KRT7: variants seen among roughly 807,000 people sequenced by gnomAD.
KRT7 encodes keratin, type II cytoskeletal 7.
A neutral mutation model predicts 42.8 loss-of-function variants in KRT7; 50 were observed. That is an observed-to-expected ratio of 1.17 (90% confidence interval 0.93 to 1.48). The LOEUF (loss-of-function observed/expected upper bound fraction) is 1.48. KRT7 is among the 40% of genes most tolerant of loss of function. The probability of loss-of-function intolerance (pLI) is 0.00; values close to 1 mark genes in which losing one functional copy is unlikely to be tolerated. For missense variants in KRT7, 588 were observed against 637.6 expected (o/e 0.92, Z 0.84); for synonymous variants, 268 against 266.3 (o/e 1.01, Z -0.06).
chr12:52,244,974 G>A (rs901604680), intron 6 of KRT7: 6 of 195,022 alleles, frequency 3.1e-5, no homozygotes, highest in Admixed American at 1.2e-4. Context: ...AGATCCCATG[G>A]TCTTCGAGCT....
At chr12:52,244,678 G>T (rs1321230436) in intron 6 of KRT7, 2 of 977,722 alleles carry the variant, frequency 2.0e-6, no homozygotes, top group Non-Finnish European at 2.4e-6. Flanking sequence ...AACAAGATGA[G>T]GCCTGGGACT....
chr12:52,250,526 G>T (rs1046054359), downstream of KRT7: 2 of 888,284 alleles, frequency 2.3e-6, no homozygotes, highest in African/African-American at 1.7e-5. Context: ...CACACAGGCC[G>T]GTGCTCACCG....
chr12:52,235,143 C>T lies in KRT7; in HGVS notation c.325-12C>T, dbSNP rs188362250. 106 of 1,613,418 alleles carry T rather than the reference C, an allele frequency of 6.6e-5. 1 individual carries two copies. The East Asian group carries it at 1.5e-3, about 23-fold the overall frequency. ...GGCTCCTCTTGAGTTTCCTCCTTCT[C>T]GCCCGTTCTAGGTGCGGTTTCTGGA... On this transcript the variant is annotated splice_polypyrimidine_tract_variant and intron_variant, in intron 1 of 8. Coordinates refer to ENST00000331817, the MANE Select transcript of KRT7 (RefSeq NM_005556.4).
At chr12:52,241,108 T>G (rs763167321) in intron 4 of KRT7, among the ~76,000 whole-genome samples, 5 of 152,152 alleles carry the variant, frequency 3.3e-5, no homozygotes, top group Admixed American at 1.3e-4. Context: ...CTGCAGAGTA[T>G]TCTGTAGCAT....
chr12:52,246,655 C>T (rs1218818562), intron 7 of KRT7, among the ~76,000 whole-genome samples: 1 of 152,172 alleles, frequency 6.6e-6, no homozygotes, highest in East Asian at 1.9e-4. Context: ...GACCCGCCTT[C>T]TCCCTGGGTT....
rs1200930342 is a variant in KRT7 at position 52,248,608 on chromosome 12, G to GGTGGCAGTAGCA, written c.1264_1275dup (p.Ser422_Gly425dup). 11 of 1,591,158 alleles carry GGTGGCAGTAGCA rather than the reference G, an allele frequency of 6.9e-6. No individual in the cohort carries two copies. The highest frequency in any genetic ancestry group is 1.7e-4 in the Middle Eastern group (1 of 5,966). Reference sequence around the variant, plus strand: ...TCTCCCAGCTGTGATGAATTCCACTGGTGGCAGTAGCAGTGGCGGTGGCAT... The same window carrying GGTGGCAGTAGCA: ...TCTCCCAGCTGTGATGAATTCCACTGGTGGCAGTAGCAGTGGCAGTAGCAGTGGCGGTGGCAT... On this transcript the variant is annotated inframe_insertion, in exon 9 of 9. Coordinates refer to ENST00000331817, the MANE Select transcript of KRT7 (RefSeq NM_005556.4).
downstream of KRT7, among the ~76,000 whole-genome samples, chr12:52,252,921 T>C (rs574083114): frequency 5.3e-5 from 8 of 152,316 alleles, no homozygotes; most frequent in South Asian, 1.5e-3. Flanking sequence ...TTCCCAAGTC[T>C]CATGGCAAAC....
downstream of KRT7, among the ~76,000 whole-genome samples, chr12:52,251,235 C>T (rs1747241663): frequency 1.3e-5 from 2 of 152,196 alleles, no homozygotes; most frequent in Admixed American, 1.3e-4. Context: ...CTGCCTTGGC[C>T]TCCCAAAGTG....
intron 4 of KRT7, among the ~76,000 whole-genome samples, chr12:52,239,966 CT>C (rs1356530395): frequency 1.3e-5 from 2 of 152,162 alleles, no homozygotes; most frequent in African/African-American, 2.4e-5. Context: ...GCATAATTAG[CT>C]TGTGAGGTTA....
rs1445999961 is a variant in KRT7, at chr12:52,238,689, G to A, written c.607G>A (p.Ala203Thr). 8.1e-6 allele frequency: 13 copies of A among 1,612,726 alleles called. No homozygotes were observed. Among genetic ancestry groups the A allele is most frequent in the South Asian group, 1.1e-5 (1 of 91,070 alleles). Residue 203 changes from alanine (A) to threonine (T), a missense_variant, in exon 4 of 9, where the codon GCT (alanine) becomes ACT (threonine). Physicochemically the swap from Ala to Thr is moderately conservative, Grantham distance 58. Transcript: ENST00000331817. The part of the protein sequence containing the change: ...EFVVLKKDVD[A>T]AYMSKVELEA... Reference sequence around the variant, plus strand: ...TTGCCCCAACCCCCAGGATGTGGATGCTGCCTACATGAGCAAGGTGGAGCT... The same window carrying A: ...TTGCCCCAACCCCCAGGATGTGGATACTGCCTACATGAGCAAGGTGGAGCT...
chr12:52,238,698 A>C lies in KRT7; in HGVS notation c.616A>C (p.Met206Leu). The C allele has an allele frequency of 6.2e-7, 1 of 1,613,780 alleles. No individual in the cohort carries two copies. The highest frequency in any genetic ancestry group is 8.5e-7 in the Non-Finnish European group (1 of 1,179,688). ...VLKKDVDAAYMSKVELEAKVD... is the reference protein window; with the variant it reads ...VLKKDVDAAYLSKVELEAKVD... ...CCCCCAGGATGTGGATGCTGCCTACATGAGCAAGGTGGAGCTGGAGGCCAA... is the reference window on the plus strand; with the variant it reads ...CCCCCAGGATGTGGATGCTGCCTACCTGAGCAAGGTGGAGCTGGAGGCCAA... The change falls in exon 4 of 9, where the codon ATG becomes CTG. Residue 206 changes from methionine to leucine, a missense_variant. Met to Leu is a conservative substitution (Grantham distance 15, BLOSUM62 2). Transcript: ENST00000331817.
intron 7 of KRT7, chr12:52,246,000 G>T: frequency 4.1e-6 from 1 of 242,320 alleles, no homozygotes; most frequent in Non-Finnish European, 7.9e-6. Context: ...TGAGGGAATA[G>T]GGCCAGAGTG....
intron 2 of KRT7, among the ~76,000 whole-genome samples, chr12:52,236,761 T>C (rs1296911606): frequency 2.0e-5 from 3 of 152,206 alleles, no homozygotes; most frequent in Non-Finnish European, 4.4e-5. Context: ...AGTCTCAACA[T>C]AAACATTAGA....
downstream of KRT7, chr12:52,253,437 C>A: frequency 1.9e-6 from 3 of 1,555,892 alleles, no homozygotes; most frequent in Non-Finnish European, 2.6e-6. Context: ...TCAGCCTGTG[C>A]AACCACACAT....
Position 52,233,526 on chromosome 12 carries a change from G to T in KRT7, c.230G>T (p.Arg77Leu). ...AACCAGAGCCTGCTGGCCCCGCTGCGGCTGGACGCCGACCCCTCCCTCCAG... is the reference window on the plus strand; with the variant it reads ...AACCAGAGCCTGCTGGCCCCGCTGCTGCTGGACGCCGACCCCTCCCTCCAG... ...TINQSLLAPL[R>L]LDADPSLQRV... The change falls in exon 1 of 9, where the codon CGG becomes CTG. Residue 77 changes from arginine to leucine, a missense_variant. Arg to Leu is a moderately radical substitution (Grantham distance 102, BLOSUM62 -2). Transcript: ENST00000331817. 6.2e-7 allele frequency: 1 copy of T among 1,613,162 alleles called. No individual in the cohort carries two copies. The highest frequency in any genetic ancestry group is 8.5e-7 in the Non-Finnish European group (1 of 1,179,812).
chr12:52,243,065 C>T lies in KRT7; in HGVS notation c.912C>T (p.Thr304=). The change falls in exon 6 of 9, where the codon ACC becomes ACT. Residue 304 remains threonine (T), a synonymous_variant. Coordinates refer to ENST00000331817, the MANE Select transcript of KRT7 (RefSeq NM_005556.4). Reference sequence around the variant, plus strand: ...AGCATGGGGACGACCTCCGGAATACCCGGAATGAGATTTCAGAGATGAACC... The same window carrying T: ...AGCATGGGGACGACCTCCGGAATACTCGGAATGAGATTTCAGAGATGAACC... The part of the protein sequence containing the change: ...AGKHGDDLRN[T]RNEISEMNRA... 6.2e-7 allele frequency: 1 copy of T among 1,613,920 alleles called. No individual in the cohort carries two copies.
At position 52,245,562 on chromosome 12, in the gene KRT7, A is replaced by C; in HGVS notation, c.1135A>C (p.Met379Leu). The C allele has an allele frequency of 6.2e-7, 1 of 1,614,168 alleles. No homozygotes were observed. The highest frequency in any genetic ancestry group is 8.5e-7 in the Non-Finnish European group (1 of 1,180,046). ...ARQLREYQEL[M>L]SVKLALDIEI... Reference sequence around the variant, plus strand: ...GCAGCTGCGTGAGTACCAGGAACTCATGAGCGTGAAGCTGGCCCTGGACAT... The same window carrying C: ...GCAGCTGCGTGAGTACCAGGAACTCCTGAGCGTGAAGCTGGCCCTGGACAT... The change falls in exon 7 of 9, where the codon ATG becomes CTG. Residue 379 changes from methionine to leucine, a missense_variant. Coordinates refer to ENST00000331817, the MANE Select transcript of KRT7 (RefSeq NM_005556.4).
In KRT7 at chr12:52,241,326, G is replaced by T. The variant is rs567894926; in HGVS notation, c.694-146G>T. ...GGCAGAATGAAGTAACTTAATGTGTGCTGGGTCTGGGCCCCCTTGCTGCCT... is the reference window on the plus strand; with the variant it reads ...GGCAGAATGAAGTAACTTAATGTGTTCTGGGTCTGGGCCCCCTTGCTGCCT... On this transcript the variant is annotated intron_variant, in intron 4 of 8. Transcript: ENST00000331817. 12 of 632,388 alleles carry T rather than the reference G, an allele frequency of 1.9e-5. No homozygotes were observed. The South Asian group carries it at 2.4e-4, about 13-fold the overall frequency. 39.2% of individuals were successfully genotyped at this position (632,388 alleles called of 1,614,324 possible).
Position 52,233,526 on chromosome 12 carries a change from G to A in KRT7, c.230G>A (p.Arg77Gln), listed in dbSNP as rs762446937. The change falls in exon 1 of 9, where the codon CGG becomes CAG. Residue 77 changes from arginine to glutamine, a missense_variant. Arg to Gln is a conservative substitution (Grantham distance 43). Coordinates refer to ENST00000331817, the MANE Select transcript of KRT7 (RefSeq NM_005556.4). Reference sequence around the variant, plus strand: ...AACCAGAGCCTGCTGGCCCCGCTGCGGCTGGACGCCGACCCCTCCCTCCAG... The same window carrying A: ...AACCAGAGCCTGCTGGCCCCGCTGCAGCTGGACGCCGACCCCTCCCTCCAG... ...TINQSLLAPL[R>Q]LDADPSLQRV... is the part of the protein sequence containing the mutation. The A allele has an allele frequency of 1.2e-6, 2 of 1,613,162 alleles. No individual in the cohort carries two copies. The highest frequency in any genetic ancestry group is 2.2e-5 in the East Asian group (1 of 44,852).
Sources: gnomAD v4.1 joint callset for allele counts (sites outside exome capture counted in the v4.1 genomes callset) on GRCh38, gnomAD v4.1.1 for gene constraint, MANE v1.5 for transcripts, NCBI Gene and HGNC (gene_info 2026-07-23, HGNC 2026-07-21) for gene names.